Variants in GRIK3 observed in about 807,000 individuals in gnomAD.
GRIK3 encodes the protein glutamate receptor ionotropic, kainate 3.
A neutral mutation model predicts 102.5 loss-of-function variants in GRIK3; 29 were observed. The ratio of observed to expected loss-of-function variants is 0.28; its 90% CI spans 0.21 to 0.39. The LOEUF (loss-of-function observed/expected upper bound fraction) is 0.39. Ranked by LOEUF, GRIK3 falls within the 10% of genes least tolerant of loss-of-function variation. The pLI, the probability that GRIK3 is intolerant of heterozygous loss-of-function variation, is 1.00. For missense variants in GRIK3, 908 were observed against 1,252.4 expected (o/e 0.73, Z 4.15); for synonymous variants, 511 against 504.9 (o/e 1.01, Z -0.16).
At chr1:36,942,485 T>C (rs930753673) in intron 1 of GRIK3, among the ~76,000 whole-genome samples, 4 of 152,170 alleles carry the variant, frequency 2.6e-5, no homozygotes, top group African/African-American at 9.7e-5. Context: ...CTCCCGTGAA[T>C]TCCAGGAGAG....
At chr1:36,958,131 C>G (rs1641946766) in intron 1 of GRIK3, among the ~76,000 whole-genome samples, 1 of 116,102 alleles carries the variant, frequency 8.6e-6, no homozygotes, top group Non-Finnish European at 1.9e-5. Context: ...TCCCATGAGT[C>G]TGTGTGCCCC....
chr1:36,952,426 G>A (rs1641856323), intron 1 of GRIK3, among the ~76,000 whole-genome samples: 1 of 152,178 alleles, frequency 6.6e-6, no homozygotes, highest in Non-Finnish European at 1.5e-5. Context: ...GAGTAAATAG[G>A]ATCAGTCAAA....
chr1:37,034,283 GCCGCCCCGCCGGCGC>G lies in GRIK3; in HGVS notation c.-190_-176del. Among the ~76,000 whole-genome samples, 1 of 148,806 alleles carries G rather than the reference GCCGCCCCGCCGGCGC, an allele frequency of 6.7e-6. No individual in the cohort carries two copies. The highest frequency in any genetic ancestry group is 2.1e-4 in the South Asian group (1 of 4,818). On this transcript the variant is annotated 5_prime_UTR_variant, in exon 1 of 16. Coordinates refer to ENST00000373091, the MANE Select transcript of GRIK3 (RefSeq NM_000831.4). ...GGCGCCGCGCACATCTTACTGGGGG[GCCGCCCCGCCGGCGC>G]CCGCCCCGCCTGGCTGCCGCCCACG...
chr1:36,987,650 T>C (rs1481557299), intron 1 of GRIK3, among the ~76,000 whole-genome samples: 1 of 152,110 alleles, frequency 6.6e-6, no homozygotes, highest in African/African-American at 2.4e-5. Context: ...GCCTGGAGAA[T>C]GTCTCCATGG....
Position 36,819,927 on chromosome 1 carries a change from C to G in GRIK3, c.1755-73G>C. ...CACGCCCCAGCAGGCAGTGGTTTAGCAAACACAGCTGTGCCAGCCGCCTCA... is the reference window on the plus strand; with the variant it reads ...CACGCCCCAGCAGGCAGTGGTTTAGGAAACACAGCTGTGCCAGCCGCCTCA... On this transcript the variant is annotated intron_variant, in intron 11 of 15. Transcript: ENST00000373091. The surrounding 1 kb of genome is among the most constrained non-coding windows in gnomAD (Gnocchi z 4.1). 1.3e-6 allele frequency: 1 copy of G among 779,692 alleles called. No homozygotes were observed. Among genetic ancestry groups the G allele is most frequent in the Admixed American group, 2.0e-5 (1 of 49,974 alleles). The allele number at this position is 779,692 out of a possible 1,614,324, so 48.3% of individuals were successfully genotyped here. A position where few individuals can be genotyped will look rare whatever the true frequency, so the allele number is the denominator to read the frequency against.
At chr1:36,812,251 C>T (rs1051792872) in intron 13 of GRIK3, among the ~76,000 whole-genome samples, 1 of 152,032 alleles carries the variant, frequency 6.6e-6, no homozygotes, top group Non-Finnish European at 1.5e-5. Context: ...CGAGGCTGTG[C>T]AAGGGGGATG....
rs1232208943 is a variant in GRIK3 at position 36,859,931 on chromosome 1, G to A, written c.873C>T (p.His291=). ...GFRILNVDNP[H]VSAIVEKWSM... ...ACCACTTCTCCACAATGGCCGAGACGTGTGGGTTGTCCACATTGAGAATCC... is the reference window on the plus strand; with the variant it reads ...ACCACTTCTCCACAATGGCCGAGACATGTGGGTTGTCCACATTGAGAATCC... Residue 291 remains histidine, a synonymous_variant, in exon 6 of 16, where the codon CAC becomes CAT. Transcript: ENST00000373091. 7.4e-6 allele frequency: 12 copies of A among 1,613,566 alleles called. No individual in the cohort carries two copies. The highest frequency in any genetic ancestry group is 3.3e-5 in the Admixed American group (2 of 60,004).
intron 1 of GRIK3, among the ~76,000 whole-genome samples, chr1:36,893,432 A>G (rs1466836491): frequency 1.3e-5 from 2 of 152,238 alleles, no homozygotes; most frequent in East Asian, 3.8e-4. Flanking sequence ...TAATGTATGA[A>G]GAAGTGTGCA....
Position 36,850,424 on chromosome 1 carries a change from C to T in GRIK3, c.1213G>A (p.Val405Ile). ...ISLKEDGLEK[V>I]GVWSPADGLN... The stretch of plus-strand genomic sequence containing the variant: ...CCGTCGGCAGGACTCCACACCCCAA[C>T]CTGGATGGACACAGACAGAAAACAG... The change falls in exon 9 of 16, where the codon GTT (valine) becomes ATT (isoleucine). Residue 405 changes from valine (V) to isoleucine (I), a missense_variant and splice_region_variant. Around this residue, in one of 3 missense-constraint regions of GRIK3, gnomAD observed 585 missense variants for 824.9 expected, o/e 0.71. Transcript: ENST00000373091. This position sits in a 1 kb window ranked among gnomAD's most constrained non-coding sequence, Gnocchi z 4.0. The T allele has an allele frequency of 6.3e-7, 1 of 1,593,720 alleles. No individual in the cohort carries two copies. The highest frequency in any genetic ancestry group is 8.6e-7 in the Non-Finnish European group (1 of 1,161,540).
chr1:37,030,187 T>C (rs537707524), intron 1 of GRIK3, among the ~76,000 whole-genome samples: 1 of 152,312 alleles, frequency 6.6e-6, no homozygotes, highest in South Asian at 2.1e-4. Context: ...GCTATTTACT[T>C]CCAGGGGGGA....
chr1:36,799,124 A>G lies in GRIK3; in HGVS notation c.*2727T>C, dbSNP rs1016440633. On this transcript the variant is annotated 3_prime_UTR_variant, in exon 16 of 16. Coordinates refer to ENST00000373091, the MANE Select transcript of GRIK3 (RefSeq NM_000831.4). The stretch of plus-strand genomic sequence containing the variant: ...CAAATACCTTCATTAGAATCCTGTT[A>G]CCTGGGAATTACAAAAAAGAGTTTT... The G allele has an allele frequency of 2.0e-5, 3 of 152,236 alleles. No homozygotes were observed. Among genetic ancestry groups the G allele is most frequent in the African/African-American group, 7.2e-5 (3 of 41,456 alleles). 9.4% of individuals were successfully genotyped at this position (152,236 alleles called of 1,614,324 possible).
intron 1 of GRIK3, among the ~76,000 whole-genome samples, chr1:36,909,273 A>G (rs1004740745): frequency 6.6e-6 from 1 of 151,776 alleles, no homozygotes; most frequent in African/African-American, 2.4e-5. Flanking sequence ...CACAGAAATA[A>G]GCAGATACTA....
intron 1 of GRIK3, among the ~76,000 whole-genome samples, chr1:36,939,207 G>A (rs1467969689): frequency 6.6e-6 from 1 of 152,222 alleles, no homozygotes; most frequent in African/African-American, 2.4e-5. Flanking sequence ...CTGATCATGT[G>A]CCCCCAGAGG....
intron 1 of GRIK3, among the ~76,000 whole-genome samples, chr1:36,955,661 G>A (rs1211997153): frequency 1.3e-5 from 2 of 152,214 alleles, no homozygotes; most frequent in Non-Finnish European, 1.5e-5. Context: ...GCTACCTCAA[G>A]CACTCACACA....
chr1:36,797,364 A>G lies in GRIK3; in HGVS notation c.*4487T>C, dbSNP rs1242615089. The G allele has an allele frequency of 6.6e-6, 1 of 151,974 alleles. No homozygotes were observed. Among genetic ancestry groups the G allele is most frequent in the East Asian group, 1.9e-4 (1 of 5,188 alleles). 9.4% of individuals were successfully genotyped at this position (151,974 alleles called of 1,614,324 possible). A position where few individuals can be genotyped will look rare whatever the true frequency, so the allele number is the denominator to read the frequency against. On this transcript the variant is annotated 3_prime_UTR_variant, in exon 16 of 16. Transcript: ENST00000373091. The stretch of plus-strand genomic sequence containing the variant: ...ACAGAACATTAACCTTCTACCTAAA[A>G]GTTTTGTGACTCACGTATGACCTCA...
At chr1:36,867,194 C>T (rs1457697212) in intron 5 of GRIK3, among the ~76,000 whole-genome samples, 6 of 152,222 alleles carry the variant, frequency 3.9e-5, no homozygotes, top group African/African-American at 1.4e-4. Context: ...CACAGCTACC[C>T]TGGGTACATC....
At position 36,837,409 on chromosome 1, in the gene GRIK3, G is replaced by A. The variant is rs527871339; in HGVS notation, c.1530+4327C>T. Among the ~76,000 whole-genome samples, 5 of 152,160 alleles carry A rather than the reference G, an allele frequency of 3.3e-5. No homozygotes were observed. The South Asian group carries it at 6.2e-4, about 19-fold the overall frequency. On this transcript the variant is annotated intron_variant, in intron 10 of 15. Transcript: ENST00000373091. ...TTCCATGCCCTGTCCGCAACTCCTC[G>A]CTTTCCCCTACCTCCTCTATCCAAC... is the stretch of plus-strand genomic sequence containing the variant.
chr1:36,870,093 T>C (rs1032209179), intron 4 of GRIK3, among the ~76,000 whole-genome samples: 1 of 152,256 alleles, frequency 6.6e-6, no homozygotes, highest in Non-Finnish European at 1.5e-5. Context: ...TCTAGCTGCC[T>C]CTTTTGAGTA....
At chr1:36,860,569 C>T (rs544639612) in intron 5 of GRIK3, among the ~76,000 whole-genome samples, 2 of 152,322 alleles carry the variant, frequency 1.3e-5, no homozygotes, top group South Asian at 2.1e-4. Flanking sequence ...AGCAGCTGAG[C>T]AGCGGTCAGC....
Sources: allele counts gnomAD v4.1 joint callset (sites outside exome capture counted in the v4.1 genomes callset), GRCh38; gene constraint gnomAD v4.1.1; regional missense constraint gnomAD v4.1.1; non-coding constraint Gnocchi (gnomAD v3.1); transcripts MANE v1.5; gene names NCBI Gene and HGNC (gene_info 2026-07-23, HGNC 2026-07-21).